Variants in DNAI1 observed in about 807,000 individuals in gnomAD.
DNAI1 encodes the protein dynein axonemal intermediate chain 1.
A neutral mutation model predicts 92.0 loss-of-function variants in DNAI1; 67 were observed. The ratio of observed to expected loss-of-function variants is 0.73; its 90% confidence interval spans 0.60 to 0.89. The LOEUF is 0.89. Among genes scored for constraint, DNAI1 ranks in the 40% least tolerant of loss-of-function variants. The pLI is 0.00. For missense variants in DNAI1, 839 were observed against 866.6 expected, an observed-to-expected ratio of 0.97 and a Z score of 0.40; for synonymous variants, 323 against 319.6, an observed-to-expected ratio of 1.01 and a Z score of -0.11.
chr9:34,483,006 G>C (rs1367116665), intron 1 of DNAI1, among the ~76,000 whole-genome samples: 1 of 152,198 alleles, frequency 6.6e-6, no homozygotes, highest in Non-Finnish European at 1.5e-5. Flanking sequence ...CACTGGCCCG[G>C]GTGCTAAGTC....
intron 5 of DNAI1, 45 bp downstream of exon 5, chr9:34,489,494 C>A (rs748385394): frequency 6.2e-7 from 1 of 1,610,122 alleles, no homozygotes; most frequent in African/African-American, 1.3e-5. Context: ...GAGCCTGTTC[C>A]CCTTATTCTG....
intron 13 of DNAI1, among the ~76,000 whole-genome samples, chr9:34,507,734 G>C (rs1438327809): frequency 6.6e-6 from 1 of 152,246 alleles, no homozygotes; most frequent in Non-Finnish European, 1.5e-5. Context: ...GAAACTCCCA[G>C]GAAGGGGTGG....
intron 16 of DNAI1, 126 bp from the exon 17 acceptor site, chr9:34,514,268 C>T: frequency 1.5e-6 from 2 of 1,296,950 alleles, no homozygotes; most frequent in South Asian, 1.2e-5. Context: ...GAGCTTGGCC[C>T]CAGTTCAGCT....
At chr9:34,491,579 C>T in intron 8 of DNAI1, 25 bp downstream of exon 8, 2 of 1,613,522 alleles carry the variant, frequency 1.2e-6, no homozygotes. Flanking sequence ...CAGCCTGAAA[C>T]CTCTTACCAC....
intron 1 of DNAI1, among the ~76,000 whole-genome samples, chr9:34,481,567 G>C (rs1238404415): frequency 6.6e-6 from 1 of 152,226 alleles, no homozygotes; most frequent in Non-Finnish European, 1.5e-5. Flanking sequence ...GACCCTCGCG[G>C]TGAGTGTTAT....
At chr9:34,502,259 G>A (rs764374541) in intron 12 of DNAI1, among the ~76,000 whole-genome samples, 3 of 152,158 alleles carry the variant, frequency 2.0e-5, no homozygotes, top group Non-Finnish European at 4.4e-5. Flanking sequence ...TGCCCTAAAT[G>A]CCTGCTTTGT....
In DNAI1 at chr9:34,497,265, G is replaced by A. The variant is rs531346156; in HGVS notation, c.901+66G>A. Reference sequence around the variant, plus strand: ...TTAAAAATTTCTCATAAAAGCTTGGGTTATTTGGGTGTCTCTTGCTAGCTC... The same window carrying A: ...TTAAAAATTTCTCATAAAAGCTTGGATTATTTGGGTGTCTCTTGCTAGCTC... On this transcript the variant is annotated intron_variant, in intron 10 of 19. Coordinates refer to ENST00000242317, the MANE Select transcript of DNAI1 (RefSeq NM_012144.4). 7.0e-6 allele frequency: 9 copies of A among 1,290,226 alleles called. 1 individual carries two copies. The East Asian group carries it at 1.6e-4, about 23-fold the overall frequency. 79.9% of individuals were successfully genotyped at this position (1,290,226 alleles called of 1,614,324 possible). A position where few individuals can be genotyped will look rare whatever the true frequency, so the allele number is the denominator to read the frequency against.
At chr9:34,462,046 G>T (rs1033853470) in intron 1 of DNAI1, among the ~76,000 whole-genome samples, 1 of 152,092 alleles carries the variant, frequency 6.6e-6, no homozygotes, top group African/African-American at 2.4e-5. Context: ...GGATAGAGAG[G>T]AGTTTAAATT....
In DNAI1 at chr9:34,512,131, T is replaced by C. The variant is rs1249592312; in HGVS notation, c.1334T>C (p.Met445Thr). Residue 445 changes from methionine (M) to threonine (T), a missense_variant, in exon 14 of 20, where the codon ATG (methionine) becomes ACG (threonine). Transcript: ENST00000242317. Reference sequence around the variant, plus strand: ...CAGGTCAAGTGGCAGAAGGATGACATGGACCAAAACCTTAACTTCTTCTCT... The same window carrying C: ...CAGGTCAAGTGGCAGAAGGATGACACGGACCAAAACCTTAACTTCTTCTCT... ...VWQVKWQKDDMDQNLNFFSVS... is the reference protein window; with the variant it reads ...VWQVKWQKDDTDQNLNFFSVS... The C allele has an allele frequency of 5.0e-6, 8 of 1,614,048 alleles. No individual in the cohort carries two copies. The highest frequency in any genetic ancestry group is 1.3e-5 in the African/African-American group (1 of 74,902).
chr9:34,459,868 G>A (rs1053348597), intron 1 of DNAI1, among the ~76,000 whole-genome samples: 7 of 152,230 alleles, frequency 4.6e-5, no homozygotes, highest in Admixed American at 1.3e-4. Context: ...ATACAGGACA[G>A]GCTATGTGCA....
intron 8 of DNAI1, among the ~76,000 whole-genome samples, chr9:34,492,583 G>A (rs1312067927): frequency 8.3e-5 from 12 of 143,926 alleles, no homozygotes; most frequent in African/African-American, 2.8e-4. Context: ...GCAGTGGCAC[G>A]GTCTTGGCTC....
chr9:34,508,648 T>C (rs1211575100), intron 13 of DNAI1, among the ~76,000 whole-genome samples: 1 of 152,070 alleles, frequency 6.6e-6, no homozygotes, highest in Non-Finnish European at 1.5e-5. Context: ...CCTGACCACC[T>C]TCCTTCCTCA....
At chr9:34,508,027 G>T (rs537519177) in intron 13 of DNAI1, among the ~76,000 whole-genome samples, 12 of 152,182 alleles carry the variant, frequency 7.9e-5, no homozygotes, top group African/African-American at 1.2e-4. Context: ...TGTCCCAAAG[G>T]TCCCCTTCTT....
chr9:34,464,657 A>G (rs1028601244), intron 1 of DNAI1, among the ~76,000 whole-genome samples: 1 of 152,104 alleles, frequency 6.6e-6, no homozygotes, highest in Admixed American at 6.5e-5. Flanking sequence ...TGATTATTGT[A>G]TGTCTCCCCC....
chr9:34,500,669 G>A, intron 10 of DNAI1, 53 bp from the exon 11 acceptor site: 2 of 1,310,302 alleles, frequency 1.5e-6, no homozygotes, highest in Non-Finnish European at 2.2e-6. Flanking sequence ...GGTGGACCTG[G>A]GTTTGCCATA....
chr9:34,471,558 A>G (rs1306314702), intron 1 of DNAI1, among the ~76,000 whole-genome samples: 1 of 152,188 alleles, frequency 6.6e-6, no homozygotes, highest in East Asian at 1.9e-4. Context: ...TCATGAGGTC[A>G]GGAGTTCGAG....
chr9:34,489,526 CT>C, intron 5 of DNAI1, 77 bp downstream of exon 5: 1 of 1,558,064 alleles, frequency 6.4e-7, no homozygotes, highest in Non-Finnish European at 8.8e-7. Context: ...GAGTATACCT[CT>C]AAGCCAGAAC....
chr9:34,512,722 C>A (rs937150851), intron 15 of DNAI1, among the ~76,000 whole-genome samples: 1 of 152,196 alleles, frequency 6.6e-6, no homozygotes, highest in Non-Finnish European at 1.5e-5. Context: ...TTACCCAGAT[C>A]CTGTCCCTGT....
In DNAI1 at chr9:34,497,084, A is replaced by T. The variant is rs766148711; in HGVS notation, c.817-31A>T. 5.1e-6 allele frequency: 8 copies of T among 1,575,396 alleles called. No homozygotes were observed. The South Asian group carries it at 5.5e-5, about 11-fold the overall frequency. On this transcript the variant is annotated intron_variant, in intron 9 of 19. Coordinates refer to ENST00000242317, the MANE Select transcript of DNAI1 (RefSeq NM_012144.4). ...ATATGACCTTGCTAAGTGCTGGTTT[A>T]TGAGGACCTGAAGTTTCTGTATCCC...
Sources: gnomAD v4.1 joint callset for allele counts (sites outside exome capture counted in the v4.1 genomes callset) on GRCh38, gnomAD v4.1.1 for gene constraint, MANE v1.5 for transcripts, NCBI Gene and HGNC (gene_info 2026-07-23, HGNC 2026-07-21) for gene names.